MPP7: variants seen among roughly 807,000 people sequenced by gnomAD.
MPP7 encodes MAGUK p55 subfamily member 7.
A neutral mutation model predicts 76.5 loss-of-function variants in MPP7; 60 were observed. That is an observed-to-expected ratio of 0.78 (90% confidence interval 0.64 to 0.97). The LOEUF is 0.97. Among genes scored for constraint, MPP7 ranks in the 50% least tolerant of loss-of-function variants. The pLI, the probability that MPP7 is intolerant of heterozygous loss-of-function variation, is 0.00. For synonymous variants in MPP7, 237 were observed against 244.5 expected, an observed-to-expected ratio of 0.97 and a Z score of 0.29; for missense variants, 641 against 694.0, an observed-to-expected ratio of 0.92 and a Z score of 0.86.
chr10:28,165,138 G>A (rs1453604337), intron 3 of MPP7, among the ~76,000 whole-genome samples: 2 of 152,076 alleles, frequency 1.3e-5, no homozygotes, highest in African/African-American at 2.4e-5. Context: ...GTGGTGTCTG[G>A]GTAATGGCCC....
intron 3 of MPP7, among the ~76,000 whole-genome samples, chr10:28,183,148 A>G (rs1266415537): frequency 6.6e-6 from 1 of 152,200 alleles, no homozygotes; most frequent in African/African-American, 2.4e-5. Flanking sequence ...TTCTATTTAT[A>G]AGAGTTTTAA....
chr10:28,204,587 T>C (rs995759666), intron 2 of MPP7, among the ~76,000 whole-genome samples: 9 of 152,182 alleles, frequency 5.9e-5, no homozygotes, highest in Admixed American at 2.6e-4. Flanking sequence ...CTATTATAAT[T>C]ATGCAAGATG....
intron 12 of MPP7, among the ~76,000 whole-genome samples, chr10:28,076,554 C>CACA (rs1209344045): frequency 6.6e-6 from 1 of 152,034 alleles, no homozygotes; most frequent in African/African-American, 2.4e-5. Context: ...CACACACACA[C>CACA]ACACAGAAGC....
chr10:28,282,805 G>A (rs558270992), intron 1 of MPP7, among the ~76,000 whole-genome samples: 6 of 151,594 alleles, frequency 4.0e-5, no homozygotes, highest in Admixed American at 2.6e-4. Context: ...GTTCTGTGTC[G>A]GTGACCTCCT....
chr10:28,174,100 C>T (rs1417757134), intron 3 of MPP7, among the ~76,000 whole-genome samples: 2 of 152,144 alleles, frequency 1.3e-5, no homozygotes, highest in East Asian at 3.9e-4. Context: ...CCCAAAGTGG[C>T]TTCAAAAACA....
intron 2 of MPP7, among the ~76,000 whole-genome samples, chr10:28,204,763 C>A (rs1329717057): frequency 6.6e-6 from 1 of 152,174 alleles, no homozygotes; most frequent in Non-Finnish European, 1.5e-5. Flanking sequence ...GCTGGCACAG[C>A]GTAGGCAGTC....
intron 11 of MPP7, among the ~76,000 whole-genome samples, chr10:28,109,779 G>A (rs1219519541): frequency 7.4e-6 from 1 of 135,860 alleles, no homozygotes; most frequent in African/African-American, 2.7e-5. Context: ...TCTTCTGGAT[G>A]GAGTGTAAAA....
intron 3 of MPP7, among the ~76,000 whole-genome samples, chr10:28,157,670 C>T (rs1200550382): frequency 6.6e-6 from 1 of 152,188 alleles, no homozygotes; most frequent in Non-Finnish European, 1.5e-5. Flanking sequence ...CCATCAGGTT[C>T]CACCCACAGG....
At chr10:28,279,454 C>T (rs143573022) in intron 1 of MPP7, among the ~76,000 whole-genome samples, 1 of 152,108 alleles carries the variant, frequency 6.6e-6, no homozygotes, top group African/African-American at 2.4e-5. Context: ...TTCGGACAGG[C>T]GCAGTGGCTC....
intron 2 of MPP7, among the ~76,000 whole-genome samples, chr10:28,313,518 TAAAAA>T (rs1204078166): frequency 7.8e-6 from 1 of 128,242 alleles, no homozygotes; most frequent in Non-Finnish European, 1.7e-5. Flanking sequence ...AAAGATAAAA[TAAAAA>T]AAAAGGAAAC....
intron 1 of MPP7, among the ~76,000 whole-genome samples, chr10:28,288,290 A>G (rs1257658239): frequency 6.6e-6 from 1 of 152,192 alleles, no homozygotes; most frequent in African/African-American, 2.4e-5. Flanking sequence ...CTCAGGCTGG[A>G]GTGCAGTGGT....
chr10:28,226,051 C>T (rs1249063849), intron 2 of MPP7, among the ~76,000 whole-genome samples: 2 of 152,034 alleles, frequency 1.3e-5, no homozygotes, highest in Non-Finnish European at 2.9e-5. Flanking sequence ...AATATTATTC[C>T]ACCATAAAAA....
At chr10:28,056,410 C>T (rs981089151) in intron 16 of MPP7, 70 bp downstream of exon 16, 12 of 1,484,020 alleles carry the variant, frequency 8.1e-6, no homozygotes, top group South Asian at 5.1e-5. Flanking sequence ...CCTCCTGCTT[C>T]GGCCTCCCAA....
In MPP7 at chr10:28,242,560, T is replaced by A. The variant is rs532290884; in HGVS notation, c.-131-3825A>T. ...GTACTTGTACCTTTTATACCAGCCA[T>A]TCTCAAAGCATGGTCCACAGACCCC... is the stretch of plus-strand genomic sequence containing the variant. On this transcript the variant is annotated intron_variant, in intron 1 of 16. Transcript: ENST00000683449. 2.0e-3 allele frequency among the ~76,000 whole-genome samples: 300 copies of A among 152,344 alleles called. 1 individual carries two copies. In the Middle Eastern group the frequency reaches 0.041, roughly 21 times the overall value.
At chr10:28,154,777 T>G (rs1835997867) in intron 3 of MPP7, among the ~76,000 whole-genome samples, 1 of 151,228 alleles carries the variant, frequency 6.6e-6, no homozygotes, top group Admixed American at 6.6e-5. Context: ...AATTCTCCAA[T>G]CCAGAGATAT....
intron 15 of MPP7, chr10:28,057,945 T>C: frequency 1.9e-6 from 2 of 1,051,208 alleles, no homozygotes; most frequent in Admixed American, 8.4e-5. Flanking sequence ...AGTTCTCAGT[T>C]CAGAATGTTC....
intron 11 of MPP7, among the ~76,000 whole-genome samples, chr10:28,095,456 C>T (rs1349792581): frequency 6.6e-6 from 1 of 152,122 alleles, no homozygotes; most frequent in African/African-American, 2.4e-5. Flanking sequence ...TGATAGCACA[C>T]TTCACATGTC....
intron 2 of MPP7, among the ~76,000 whole-genome samples, chr10:28,232,659 A>G (rs1564720594): frequency 6.6e-6 from 1 of 152,218 alleles, no homozygotes; most frequent in East Asian, 1.9e-4. Context: ...TTATGGTGTA[A>G]TTCCATTTAT....
intron 13 of MPP7, among the ~76,000 whole-genome samples, chr10:28,060,268 A>C (rs1288453652): frequency 1.3e-5 from 2 of 152,192 alleles, no homozygotes; most frequent in African/African-American, 4.8e-5. Flanking sequence ...CAAAGTCATA[A>C]ATAGCATCAT....
Sources: gnomAD v4.1 joint callset for allele counts (sites outside exome capture counted in the v4.1 genomes callset) on GRCh38, gnomAD v4.1.1 for gene constraint, MANE v1.5 for transcripts, NCBI Gene and HGNC (gene_info 2026-07-23, HGNC 2026-07-21) for gene names.